Variants in UNK observed in about 807,000 individuals in gnomAD.
The protein encoded by UNK is unk zinc finger.
UNK carries 32 observed loss-of-function variants against 97.6 expected under a neutral mutation model. That is an observed-to-expected ratio of 0.33 (90% CI 0.25 to 0.44). The LOEUF (loss-of-function observed/expected upper bound fraction) is 0.44. Among genes scored for constraint, UNK ranks in the 20% least tolerant of loss-of-function variants. The probability of loss-of-function intolerance (pLI) is 1.00; values close to 1 mark genes in which losing one functional copy is unlikely to be tolerated. For missense variants in UNK, 771 were observed against 1,098.4 expected (o/e 0.70, Z 4.21); for synonymous variants, 441 against 461.2 (o/e 0.96, Z 0.56).
intron 1 of UNK, among the ~76,000 whole-genome samples, chr17:75,790,179 G>A (rs1384139736): frequency 1.3e-5 from 2 of 151,354 alleles, no homozygotes; most frequent in Non-Finnish European, 2.9e-5. Context: ...AAAATTAGCT[G>A]GGTGTGGTGG....
intron 2 of UNK, among the ~76,000 whole-genome samples, chr17:75,810,907 A>C (rs1335982896): frequency 6.6e-6 from 1 of 150,662 alleles, no homozygotes; most frequent in African/African-American, 2.5e-5. Context: ...AAGTGCTGGA[A>C]TTACAGGCAG....
At position 75,825,705 on chromosome 17, in the gene UNK, C is replaced by CT. The variant is rs2062114311; in HGVS notation, c.*1291dup. Reference sequence around the variant, plus strand: ...CCCCCTTGGGCTCAGCACGAAAGGGCTTTCAATGAATTAAGTGAAAACTTT... The same window carrying CT: ...CCCCCTTGGGCTCAGCACGAAAGGGCTTTTCAATGAATTAAGTGAAAACTTT... On this transcript the variant is annotated 3_prime_UTR_variant, in exon 16 of 16. Coordinates refer to ENST00000589666, the MANE Select transcript of UNK (RefSeq NM_001080419.3). The surrounding 1 kb of genome is among the most constrained non-coding windows in gnomAD (Gnocchi z 4.4). The CT allele has an allele frequency of 6.6e-6, 1 of 152,202 alleles. No individual in the cohort carries two copies. Among genetic ancestry groups the CT allele is most frequent in the South Asian group, 2.1e-4 (1 of 4,838 alleles). The allele number at this position is 152,202 out of a possible 1,614,324, so 9.4% of individuals were successfully genotyped here. A position where few individuals can be genotyped will look rare whatever the true frequency, so the allele number is the denominator to read the frequency against.
intron 1 of UNK, among the ~76,000 whole-genome samples, chr17:75,801,692 G>A (rs908936477): frequency 9.9e-5 from 15 of 151,656 alleles, no homozygotes; most frequent in Admixed American, 2.0e-4. Context: ...GACTACAGGC[G>A]CCCGCCACCA....
At chr17:75,812,314 A>G in intron 3 of UNK, 26 bp downstream of exon 3, 2 of 1,598,144 alleles carry the variant, frequency 1.3e-6, no homozygotes, top group Non-Finnish European at 1.7e-6. Context: ...GGCTGGGCTG[A>G]TGGCAGTAGG....
intron 1 of UNK, among the ~76,000 whole-genome samples, chr17:75,796,654 G>A (rs957194501): frequency 3.9e-5 from 6 of 152,130 alleles, no homozygotes; most frequent in African/African-American, 1.4e-4. Context: ...TCCCACCAAT[G>A]TGGTTACTGT....
chr17:75,812,148 G>A lies in UNK; in HGVS notation c.351G>A (p.Glu117=), dbSNP rs1434641048. 6.2e-7 allele frequency: 1 copy of A among 1,613,356 alleles called. No homozygotes were observed. Among genetic ancestry groups the A allele is most frequent in the Admixed American group, 1.7e-5 (1 of 59,980 alleles). The change falls in exon 3 of 16, where the codon GAG becomes GAA. Residue 117 remains glutamate, a synonymous_variant. Coordinates refer to ENST00000589666, the MANE Select transcript of UNK (RefSeq NM_001080419.3). The part of the protein sequence containing the change: ...PFLHRTTGDT[E]RRYHLRYYKT... ...TGCACAGAACCACAGGGGACACTGA[G>A]CGCAGGTACCACCTTCGTTACTACA...
intron 1 of UNK, among the ~76,000 whole-genome samples, chr17:75,803,451 G>A (rs2061882343): frequency 6.6e-6 from 1 of 152,172 alleles, no homozygotes; most frequent in South Asian, 2.1e-4. Context: ...TGAGTCCACA[G>A]CTAAGAAAAC....
chr17:75,802,141 C>T (rs894934833), intron 1 of UNK, among the ~76,000 whole-genome samples: 3 of 151,332 alleles, frequency 2.0e-5, no homozygotes, highest in African/African-American at 4.9e-5. Context: ...AGCCACTGCG[C>T]CTGACCTAAA....
In UNK at chr17:75,784,905, G is replaced by A. The variant is rs1417581036; in HGVS notation, c.25G>A (p.Gly9Ser). 2 of 1,574,156 alleles carry A rather than the reference G, an allele frequency of 1.3e-6. No individual in the cohort carries two copies. The highest frequency in any genetic ancestry group is 2.7e-5 in the African/African-American group (2 of 73,394). Residue 9 changes from glycine (G) to serine (S), a missense_variant, in exon 1 of 16, where the codon GGC (glycine) becomes AGC (serine). Coordinates refer to ENST00000589666, the MANE Select transcript of UNK (RefSeq NM_001080419.3). MSKGPGPG[G>S]SAASSAPPAA... ...CATGTCGAAGGGCCCCGGGCCCGGC[G>A]GCTCCGCAGCTTCCTCGGCGCCCCC...
In UNK at chr17:75,809,030, G is replaced by C. The variant is rs551528062; in HGVS notation, c.105-730G>C. 7.5e-4 allele frequency: 113 copies of C among 149,776 alleles called. 1 individual carries two copies. The highest frequency in any genetic ancestry group is 2.7e-3 in the African/African-American group (110 of 40,616). The allele number at this position is 149,776 out of a possible 1,614,324, so 9.3% of individuals were successfully genotyped here. A position where few individuals can be genotyped will look rare whatever the true frequency, so the allele number is the denominator to read the frequency against. ...ATGCCCCCAGGACATAAATAGCCCGGCTGCTGCAGGTACTCACATGAGGTG... is the reference window on the plus strand; with the variant it reads ...ATGCCCCCAGGACATAAATAGCCCGCCTGCTGCAGGTACTCACATGAGGTG... On this transcript the variant is annotated intron_variant, in intron 1 of 15. Transcript: ENST00000589666.
rs1303944724 is a variant in UNK at position 75,816,035 on chromosome 17, T to C, written c.962-735T>C. Among the ~76,000 whole-genome samples, 1 of 152,236 alleles carries C rather than the reference T, an allele frequency of 6.6e-6. No individual in the cohort carries two copies. Among genetic ancestry groups the C allele is most frequent in the Non-Finnish European group, 1.5e-5 (1 of 68,042 alleles). Reference sequence around the variant, plus strand: ...AAATATCAAGACATTTCACCTTTTTTTGTACTAAGTCTATGAGATCTGATA... The same window carrying C: ...AAATATCAAGACATTTCACCTTTTTCTGTACTAAGTCTATGAGATCTGATA... On this transcript the variant is annotated intron_variant, in intron 7 of 15. Coordinates refer to ENST00000589666, the MANE Select transcript of UNK (RefSeq NM_001080419.3). This position sits in a 1 kb window ranked among gnomAD's most constrained non-coding sequence, Gnocchi z 4.0.
chr17:75,798,795 G>A (rs1226031928), intron 1 of UNK, among the ~76,000 whole-genome samples: 5 of 151,942 alleles, frequency 3.3e-5, no homozygotes, highest in Non-Finnish European at 5.9e-5. Context: ...TGCTGGGCAC[G>A]GTGGCTCACG....
chr17:75,792,811 T>A (rs2061773601), intron 1 of UNK, among the ~76,000 whole-genome samples: 1 of 152,268 alleles, frequency 6.6e-6, no homozygotes, highest in African/African-American at 2.4e-5. Flanking sequence ...TTGAGTGCTC[T>A]CTGAATTATA....
Position 75,819,447 on chromosome 17 carries a change from GAAGT to G in UNK, c.1547-235_1547-232del. 1 of 564,998 alleles carries G rather than the reference GAAGT, an allele frequency of 1.8e-6. No individual in the cohort carries two copies. Among genetic ancestry groups the G allele is most frequent in the East Asian group, 3.0e-5 (1 of 33,244 alleles). The allele number at this position is 564,998 out of a possible 1,614,324, so 35.0% of individuals were successfully genotyped here. Reference sequence around the variant, plus strand: ...CTGGATGGGGATGTGATTTCTCCTGGAAGTATCAAAGAAGATTCAGAAAGGAGAG... The same window carrying G: ...CTGGATGGGGATGTGATTTCTCCTGGATCAAAGAAGATTCAGAAAGGAGAG... On this transcript the variant is annotated intron_variant, in intron 11 of 15. Coordinates refer to ENST00000589666, the MANE Select transcript of UNK (RefSeq NM_001080419.3). The surrounding 1 kb of genome is among the most constrained non-coding windows in gnomAD (Gnocchi z 5.4).
chr17:75,791,907 ACT>A, intron 1 of UNK: 1 of 985,358 alleles, frequency 1.0e-6, no homozygotes, highest in Non-Finnish European at 1.2e-6. Flanking sequence ...TCTTGGGCAC[ACT>A]CTATAAAGGA....
chr17:75,820,448 C>G (rs2062056825), intron 13 of UNK, among the ~76,000 whole-genome samples: 1 of 152,190 alleles, frequency 6.6e-6, no homozygotes, highest in South Asian at 2.1e-4. Flanking sequence ...GTCTCTTTCA[C>G]AGCATGGTTC....
intron 1 of UNK, among the ~76,000 whole-genome samples, chr17:75,808,108 C>T (rs2061935387): frequency 6.6e-6 from 1 of 152,128 alleles, no homozygotes; most frequent in South Asian, 2.1e-4. Context: ...CTGTTACCTC[C>T]TGAGGTAGTT....
At chr17:75,801,136 C>G (rs1162155675) in intron 1 of UNK, among the ~76,000 whole-genome samples, 1 of 151,962 alleles carries the variant, frequency 6.6e-6, no homozygotes, top group Non-Finnish European at 1.5e-5. Flanking sequence ...ATCTCCTGAC[C>G]TCATGATCCG....
At chr17:75,785,595 G>C (rs1211591956) in intron 1 of UNK, 1 of 152,438 alleles carries the variant, frequency 6.6e-6, no homozygotes, top group Non-Finnish European at 1.5e-5. Context: ...GAGCCCGAAG[G>C]TGATGGGTTC....
Sources: allele counts gnomAD v4.1 joint callset (sites outside exome capture counted in the v4.1 genomes callset), GRCh38; gene constraint gnomAD v4.1.1; non-coding constraint Gnocchi (gnomAD v3.1); transcripts MANE v1.5; gene names NCBI Gene and HGNC (gene_info 2026-07-23, HGNC 2026-07-21).